The following DNMT1 variants were observed in gnomAD, a reference collection of about 807,000 sequenced individuals.
DNMT1 encodes the protein DNA (cytosine-5)-methyltransferase 1.
Under a neutral mutation model 205.3 loss-of-function variants are expected in DNMT1, and 24 were observed. That is an observed-to-expected ratio of 0.12 (90% CI 0.08 to 0.16). DNMT1 has a LOEUF of 0.16. Among genes scored for constraint, DNMT1 ranks in the 10% least tolerant of loss-of-function variants. DNMT1 has a pLI of 1.00. For missense variants in DNMT1, 1,293 were observed against 2,177.7 expected (o/e 0.59, Z 8.09); for synonymous variants, 817 against 839.8 (o/e 0.97, Z 0.47).
At chr19:10,162,514 C>T (rs548711873) in intron 13 of DNMT1, among the ~76,000 whole-genome samples, 153 bp downstream of exon 13, 7 of 151,902 alleles carry the variant, frequency 4.6e-5, no homozygotes, top group African/African-American at 1.7e-4. Context: ...ATGTGATTCA[C>T]CCGCTTCAGC....
At chr19:10,158,420 A>G (rs2038500024) in intron 17 of DNMT1, among the ~76,000 whole-genome samples, 1 of 152,092 alleles carries the variant, frequency 6.6e-6, no homozygotes, top group South Asian at 2.1e-4. Flanking sequence ...GGGTACAGGA[A>G]CCGCTGCCTG....
At chr19:10,177,658 C>T (rs1263907564) in intron 5 of DNMT1, among the ~76,000 whole-genome samples, 1 of 152,136 alleles carries the variant, frequency 6.6e-6, no homozygotes, top group Non-Finnish European at 1.5e-5. Flanking sequence ...GGGCCAGGCA[C>T]AGTGGCTCAC....
rs755712065 is a variant in DNMT1, at chr19:10,146,382, C to G, written c.2863G>C (p.Val955Leu). 6.2e-7 allele frequency: 1 copy of G among 1,614,076 alleles called. No homozygotes were observed. The highest frequency in any genetic ancestry group is 8.5e-7 in the Non-Finnish European group (1 of 1,180,018). Residue 955 changes from valine to leucine, a missense_variant, in exon 28 of 41, where the codon GTG (valine) becomes CTG (leucine). Coordinates refer to ENST00000359526, the MANE Select transcript of DNMT1 (RefSeq NM_001130823.3). This position sits in a 1 kb window ranked among gnomAD's most constrained non-coding sequence, Gnocchi z 4.4. ...GTGAAGGCCTCAGGGGGCAGGTACA[C>G]ACCATCACCAACTCGGTACAGGATG... ...NGILYRVGDG[V>L]YLPPEAFTFN...
At chr19:10,193,523 C>T (rs1428706911) in intron 1 of DNMT1, among the ~76,000 whole-genome samples, 1 of 151,918 alleles carries the variant, frequency 6.6e-6, no homozygotes, top group Admixed American at 6.6e-5. Context: ...GGCACTACTC[C>T]AGGCTAATTT....
intron 14 of DNMT1, 85 bp downstream of exon 14, chr19:10,160,299 T>G (rs981690085): frequency 6.3e-7 from 1 of 1,596,640 alleles, no homozygotes; most frequent in African/African-American, 1.3e-5. Context: ...GCTCTGGCAA[T>G]TACTGAAACC....
intron 38 of DNMT1, 35 bp from the exon 39 acceptor site, chr19:10,135,887 G>C: frequency 6.5e-7 from 1 of 1,537,342 alleles, no homozygotes; most frequent in Non-Finnish European, 8.7e-7. Flanking sequence ...GAGGGCAGTA[G>C]CACCCAGGCC....
intron 27 of DNMT1, 97 bp downstream of exon 27, chr19:10,148,787 G>T: frequency 1.3e-6 from 2 of 1,598,858 alleles, no homozygotes; most frequent in South Asian, 1.1e-5. Flanking sequence ...AAACTGGGGG[G>T]CCGTTGGCGG....
At chr19:10,145,990 G>A (rs1194528465) in intron 28 of DNMT1, among the ~76,000 whole-genome samples, 6 of 151,854 alleles carry the variant, frequency 4.0e-5, no homozygotes, top group Non-Finnish European at 8.8e-5. Flanking sequence ...CACCACACCC[G>A]GCTAATTTTT....
intron 11 of DNMT1, among the ~76,000 whole-genome samples, chr19:10,165,021 G>T (rs1462417635): frequency 6.7e-6 from 1 of 150,090 alleles, no homozygotes; most frequent in South Asian, 2.1e-4. Flanking sequence ...CGCCACTTTG[G>T]GGGACTGAGA....
At chr19:10,135,646 C>T (rs1199230276) in intron 39 of DNMT1, 90 bp downstream of exon 39, 15 of 1,409,700 alleles carry the variant, frequency 1.1e-5, no homozygotes, top group African/African-American at 7.1e-5. Flanking sequence ...GGCGTCCTCC[C>T]GGAAGTGACT....
At position 10,149,498 on chromosome 19, in the gene DNMT1, T is replaced by C. The variant is rs1270303769; in HGVS notation, c.2541A>G (p.Lys847=). The C allele has an allele frequency of 6.2e-7, 1 of 1,613,944 alleles. No individual in the cohort carries two copies. Among genetic ancestry groups the C allele is most frequent in the East Asian group, 2.2e-5 (1 of 44,892 alleles). Residue 847 remains lysine (K), a synonymous_variant, in exon 26 of 41, where the codon AAA becomes AAG. Transcript: ENST00000359526. The part of the protein sequence containing the change: ...EDMQLSYIHS[K]VKVIYKAPSE... ...AGGGGGCTTTGTAGATGACTTTCAC[T>C]TTGCTGTGGATATATGAAAGCTGCA...
chr19:10,155,195 A>T, intron 19 of DNMT1, 139 bp from the exon 20 acceptor site: 1 of 1,177,942 alleles, frequency 8.5e-7, no homozygotes. Context: ...AACATAGGGC[A>T]CAACACATCA....
chr19:10,137,892 C>A lies in DNMT1; in HGVS notation c.4233G>T (p.Trp1411Cys), dbSNP rs1226189469. ...EISYNGEPQS[W>C]FQRQLRGAQY... Reference sequence around the variant, plus strand: ...GTGCGCCCCGGAGCTGCCTCTGGAACCAGGACTGAGGCTCCCCGTTGTAGG... The same window carrying A: ...GTGCGCCCCGGAGCTGCCTCTGGAAACAGGACTGAGGCTCCCCGTTGTAGG... Residue 1411 changes from tryptophan to cysteine, a missense_variant, in exon 36 of 41, where the codon TGG becomes TGT. This residue lies in a region of DNMT1 where 148 missense variants were observed against 256.1 expected (regional missense o/e 0.58). Coordinates refer to ENST00000359526, the MANE Select transcript of DNMT1 (RefSeq NM_001130823.3). The surrounding 1 kb of genome is among the most constrained non-coding windows in gnomAD (Gnocchi z 6.4). The A allele has an allele frequency of 1.2e-5, 19 of 1,613,474 alleles. No homozygotes were observed. The highest frequency in any genetic ancestry group is 1.5e-5 in the Non-Finnish European group (18 of 1,179,934).
chr19:10,156,079 A>T lies in DNMT1; in HGVS notation c.1400-134T>A. 1.1e-6 allele frequency: 1 copy of T among 872,082 alleles called. No homozygotes were observed. Among genetic ancestry groups the T allele is most frequent in the Non-Finnish European group, 1.8e-6 (1 of 546,782 alleles). The allele number at this position is 872,082 out of a possible 1,614,324, so 54.0% of individuals were successfully genotyped here. On this transcript the variant is annotated intron_variant, in intron 18 of 40. Coordinates refer to ENST00000359526, the MANE Select transcript of DNMT1 (RefSeq NM_001130823.3). The surrounding 1 kb of genome is among the most constrained non-coding windows in gnomAD (Gnocchi z 4.2). ...CTCAGTCATCACAATGACTTGGCCT[A>T]CAGCTGCTCCTGGCACAAAGTCTCA...
At position 10,135,867 on chromosome 19, in the gene DNMT1, C is replaced by T. The variant is rs201805582; in HGVS notation, c.4657-15G>A. ...AGCACGCGGCCCTGGGGGAAAGAGG[C>T]GCGGTGGGCGAGGGCAGTAGCACCC... On this transcript the variant is annotated splice_polypyrimidine_tract_variant and intron_variant, in intron 38 of 40. Coordinates refer to ENST00000359526, the MANE Select transcript of DNMT1 (RefSeq NM_001130823.3). 127 of 1,543,446 alleles carry T rather than the reference C, an allele frequency of 8.2e-5. No homozygotes were observed. In the East Asian group the frequency reaches 2.8e-3, roughly 34 times the overall value.
Position 10,138,160 on chromosome 19 carries a change from T to C in DNMT1, c.4116-151A>G. 8.8e-7 allele frequency: 1 copy of C among 1,134,654 alleles called. No homozygotes were observed. The highest frequency in any genetic ancestry group is 2.0e-5 in the Admixed American group (1 of 49,946). 70.3% of individuals were successfully genotyped at this position (1,134,654 alleles called of 1,614,324 possible). A position where few individuals can be genotyped will look rare whatever the true frequency, so the allele number is the denominator to read the frequency against. ...TGGGTGGCAGTGTGCCTGGATGCCA[T>C]CTGGAAGGGGGGATGGGGCTATGGC... On this transcript the variant is annotated intron_variant, in intron 35 of 40. Transcript: ENST00000359526. This position sits in a 1 kb window ranked among gnomAD's most constrained non-coding sequence, Gnocchi z 4.1.
At chr19:10,182,135 T>C in intron 1 of DNMT1, 58 bp from the exon 2 acceptor site, 2 of 1,537,648 alleles carry the variant, frequency 1.3e-6, no homozygotes, top group Non-Finnish European at 1.8e-6. Context: ...TTCATTTGCC[T>C]GTAAGAATAT....
Position 10,159,072 on chromosome 19 carries a change from A to G in DNMT1, c.1280+586T>C, listed in dbSNP as rs1175401841. On this transcript the variant is annotated intron_variant, in intron 17 of 40. Coordinates refer to ENST00000359526, the MANE Select transcript of DNMT1 (RefSeq NM_001130823.3). This position sits in a 1 kb window ranked among gnomAD's most constrained non-coding sequence, Gnocchi z 5.0. ...CTGAGCAGCTACATCCACGACACCT[A>G]GATCACTGGTACCTAGCACAGAGTA... Among the ~76,000 whole-genome samples, 2 of 152,186 alleles carry G rather than the reference A, an allele frequency of 1.3e-5. No homozygotes were observed. Among genetic ancestry groups the G allele is most frequent in the Non-Finnish European group, 1.5e-5 (1 of 68,024 alleles).
At chr19:10,173,943 A>G in intron 7 of DNMT1, 38 bp from the exon 8 acceptor site, 14 of 1,606,104 alleles carry the variant, frequency 8.7e-6, no homozygotes, top group Non-Finnish European at 1.2e-5. Context: ...AGATTAGAAT[A>G]CTGGTTTCAA....
Sources: gnomAD v4.1 joint callset for allele counts (sites outside exome capture counted in the v4.1 genomes callset) on GRCh38, gnomAD v4.1.1 for gene constraint, gnomAD v4.1.1 regional missense constraint, Gnocchi (gnomAD v3.1) non-coding constraint, MANE v1.5 for transcripts, NCBI Gene and HGNC (gene_info 2026-07-23, HGNC 2026-07-21) for gene names.